Variants in PLEKHA4 observed in about 807,000 individuals in gnomAD.
PLEKHA4 encodes pleckstrin homology domain containing A4, also known as pleckstrin homology domain-containing family A member 4.
A neutral mutation model predicts 94.7 loss-of-function variants in PLEKHA4; 73 were observed. That is an observed-to-expected ratio of 0.77 (90% CI 0.64 to 0.94). The LOEUF is 0.94. Among genes scored for constraint, PLEKHA4 ranks in the 40% least tolerant of loss-of-function variants. PLEKHA4 has a pLI of 0.00. For missense variants in PLEKHA4, 1,049 were observed against 1,054.1 expected, an observed-to-expected ratio of 1.00 and a Z score of 0.07; for synonymous variants, 449 against 437.1, an observed-to-expected ratio of 1.03 and a Z score of -0.34.
rs2035611198 is a variant in PLEKHA4, at chr19:48,838,132, A to G, written c.1965-3T>C. 1 of 1,580,658 alleles carries G rather than the reference A, an allele frequency of 6.3e-7. No individual in the cohort carries two copies. The highest frequency in any genetic ancestry group is 8.7e-7 in the Non-Finnish European group (1 of 1,151,862). On this transcript the variant is annotated splice_polypyrimidine_tract_variant and splice_region_variant and intron_variant, in intron 18 of 19. Transcript: ENST00000263265. Reference sequence around the variant, plus strand: ...AGTAAGGGGTGGTGTTCCTTGGACTAGAAAAAAAAAGAAGATTGGGGGTGG... The same window carrying G: ...AGTAAGGGGTGGTGTTCCTTGGACTGGAAAAAAAAAGAAGATTGGGGGTGG...
intron 16 of PLEKHA4, 167 bp downstream of exon 16, chr19:48,845,203 A>G: frequency 1.5e-6 from 1 of 661,006 alleles, no homozygotes; most frequent in South Asian, 2.0e-5. Flanking sequence ...CCAAAGTCAC[A>G]CAGCTTAGAA....
At chr19:48,855,465 G>A (rs1338554788) in intron 9 of PLEKHA4, among the ~76,000 whole-genome samples, 5 of 151,826 alleles carry the variant, frequency 3.3e-5, no homozygotes, top group East Asian at 1.9e-4. Flanking sequence ...TTAGCCAGGC[G>A]TAGTGACGGG....
At chr19:48,865,906 CG>C (rs1388858173) in intron 2 of PLEKHA4, among the ~76,000 whole-genome samples, 1 of 151,298 alleles carries the variant, frequency 6.6e-6, no homozygotes, top group Non-Finnish European at 1.5e-5. Context: ...CCCAGCTACT[CG>C]GGAGGCTGAG....
chr19:48,837,194 G>T lies in PLEKHA4; in HGVS notation c.*95C>A. ...CCTCCCGGGCCCGCAATGGGGACCA[G>T]ACCACGCCCCCTGATGCCCTGAGTG... On this transcript the variant is annotated 3_prime_UTR_variant, in exon 20 of 20. Coordinates refer to ENST00000263265, the MANE Select transcript of PLEKHA4 (RefSeq NM_020904.3). This position sits in a 1 kb window ranked among gnomAD's most constrained non-coding sequence, Gnocchi z 4.3. 6.3e-7 allele frequency: 1 copy of T among 1,583,892 alleles called. No homozygotes were observed. The highest frequency in any genetic ancestry group is 1.1e-5 in the South Asian group (1 of 90,026).
At chr19:48,847,627 G>A (rs954402940) in intron 14 of PLEKHA4, among the ~76,000 whole-genome samples, 2 of 152,164 alleles carry the variant, frequency 1.3e-5, no homozygotes, top group Admixed American at 6.6e-5. Context: ...AGCTACTTCG[G>A]AGGCTGAGGC....
At chr19:48,847,859 G>A in intron 14 of PLEKHA4, 41 bp downstream of exon 14, 1 of 1,523,816 alleles carries the variant, frequency 6.6e-7, no homozygotes, top group East Asian at 2.3e-5. Context: ...GGACAGGTGG[G>A]ACATGAAGCT....
chr19:48,860,464 G>T lies in PLEKHA4; in HGVS notation c.367-5C>A. The T allele has an allele frequency of 1.2e-6, 2 of 1,610,530 alleles. No individual in the cohort carries two copies. Among genetic ancestry groups the T allele is most frequent in the Non-Finnish European group, 1.7e-6 (2 of 1,176,902 alleles). On this transcript the variant is annotated splice_region_variant and splice_polypyrimidine_tract_variant and intron_variant, in intron 5 of 19. Coordinates refer to ENST00000263265, the MANE Select transcript of PLEKHA4 (RefSeq NM_020904.3). ...CCTCATGCCCGGGTGCTCTGCCTGC[G>T]GGAAGAGAAGGCTTGGAATCCGGAC... is the stretch of plus-strand genomic sequence containing the variant.
In PLEKHA4 at chr19:48,865,728, G is replaced by C. The variant is rs1188621465; in HGVS notation, c.85-118C>G. The C allele has an allele frequency of 4.6e-6, 3 of 651,574 alleles. No individual in the cohort carries two copies. The East Asian group carries it at 8.3e-5, about 18-fold the overall frequency. 40.4% of individuals were successfully genotyped at this position (651,574 alleles called of 1,614,324 possible). A position where few individuals can be genotyped will look rare whatever the true frequency, so the allele number is the denominator to read the frequency against. On this transcript the variant is annotated intron_variant, in intron 2 of 19. Coordinates refer to ENST00000263265, the MANE Select transcript of PLEKHA4 (RefSeq NM_020904.3). ...TTGGCTGCCCTGAGAAATGGGTCAA[G>C]GACCAGCCGGGCGCAGTGGCTCACA...
chr19:48,847,775 T>G (rs2122976616), intron 14 of PLEKHA4, 125 bp downstream of exon 14: 1 of 1,150,398 alleles, frequency 8.7e-7, no homozygotes, highest in Non-Finnish European at 1.2e-6. Flanking sequence ...TTCCAGAGGT[T>G]AGGACACTTG....
At position 48,860,417 on chromosome 19, in the gene PLEKHA4, T is replaced by C. The variant is rs199897167; in HGVS notation, c.409A>G (p.Thr137Ala). The change falls in exon 6 of 20, where the codon ACC (threonine) becomes GCC (alanine). Residue 137 changes from threonine to alanine, a missense_variant. Thr to Ala is a moderately conservative substitution (Grantham distance 58, BLOSUM62 0). Coordinates refer to ENST00000263265, the MANE Select transcript of PLEKHA4 (RefSeq NM_020904.3). ...GMRTYVLAAD[T>A]LEDLRGWLRA... The stretch of plus-strand genomic sequence containing the variant: ...AGCCAGCCCCGCAGGTCTTCTAAGG[T>C]GTCAGCGGCCAAAACGTAGGTCCTC... 1.9e-4 allele frequency: 311 copies of C among 1,614,082 alleles called. 2 individuals carry two copies. In the East Asian group the frequency reaches 6.0e-3, roughly 31 times the overall value.
chr19:48,839,086 C>G, intron 18 of PLEKHA4, 119 bp downstream of exon 18: 1 of 568,820 alleles, frequency 1.8e-6, no homozygotes, highest in Non-Finnish European at 2.9e-6. Context: ...ACTTAAGCAT[C>G]TCTAGAAGGG....
intron 9 of PLEKHA4, among the ~76,000 whole-genome samples, chr19:48,855,693 GTGGGAGTAT>G (rs1197775749): frequency 1.3e-5 from 2 of 152,014 alleles, no homozygotes; most frequent in African/African-American, 4.8e-5. Flanking sequence ...GGAGGCTGAG[GTGGGAGTAT>G]CGCTTGGGCC....
chr19:48,843,718 C>T (rs762989111), intron 16 of PLEKHA4, among the ~76,000 whole-genome samples: 16 of 151,244 alleles, frequency 1.1e-4, no homozygotes, highest in African/African-American at 2.2e-4. Flanking sequence ...AGTGCAGTGG[C>T]GCAGTATCAG....
chr19:48,837,947 GACCTGGGAT>G lies in PLEKHA4; in HGVS notation c.2077+61_2077+69del. 1 of 1,304,472 alleles carries G rather than the reference GACCTGGGAT, an allele frequency of 7.7e-7. No homozygotes were observed. Among genetic ancestry groups the G allele is most frequent in the Non-Finnish European group, 1.1e-6 (1 of 911,404 alleles). The allele number at this position is 1,304,472 out of a possible 1,614,324, so 80.8% of individuals were successfully genotyped here. Reference sequence around the variant, plus strand: ...CGGCCCCCAGACCCCTCCTCTCCAGGACCTGGGATTCCAGGTCTCCAGCTCTCTCCTCCC... The same window carrying G: ...CGGCCCCCAGACCCCTCCTCTCCAGGTCCAGGTCTCCAGCTCTCTCCTCCC... On this transcript the variant is annotated intron_variant, in intron 19 of 19. Coordinates refer to ENST00000263265, the MANE Select transcript of PLEKHA4 (RefSeq NM_020904.3). This position sits in a 1 kb window ranked among gnomAD's most constrained non-coding sequence, Gnocchi z 4.3.
intron 5 of PLEKHA4, 85 bp from the exon 6 acceptor site, chr19:48,860,544 C>G (rs2036595804): frequency 9.4e-7 from 1 of 1,062,322 alleles, no homozygotes; most frequent in Non-Finnish European, 1.4e-6. Flanking sequence ...TTCCAGTAAA[C>G]CCAGTGCTTT....
rs758659219 is a variant in PLEKHA4 at position 48,861,604 on chromosome 19, C to T, written c.265+16G>A. The stretch of plus-strand genomic sequence containing the variant: ...GGGGGGCCCTCCCACCCCAAGCCAG[C>T]CAGCCAGCCACTGACCCTTGTAATA... On this transcript the variant is annotated intron_variant, in intron 4 of 19. Coordinates refer to ENST00000263265, the MANE Select transcript of PLEKHA4 (RefSeq NM_020904.3). 2 of 1,613,848 alleles carry T rather than the reference C, an allele frequency of 1.2e-6. No homozygotes were observed. Among genetic ancestry groups the T allele is most frequent in the East Asian group, 2.2e-5 (1 of 44,884 alleles).
chr19:48,852,364 C>G (rs749282188), intron 12 of PLEKHA4, 38 bp from the exon 13 acceptor site: 3 of 1,492,402 alleles, frequency 2.0e-6, no homozygotes, highest in Non-Finnish European at 2.8e-6. Context: ...GGTTAGGTCC[C>G]TCTCCCACCA....
chr19:48,860,706 C>A (rs1199716434), intron 5 of PLEKHA4, among the ~76,000 whole-genome samples: 2 of 151,764 alleles, frequency 1.3e-5, no homozygotes, highest in African/African-American at 4.8e-5. Context: ...ACCGGGGAGA[C>A]TGAGGCAGGA....
At chr19:48,838,837 T>C (rs1283252606) in intron 18 of PLEKHA4, among the ~76,000 whole-genome samples, 1 of 149,478 alleles carries the variant, frequency 6.7e-6, no homozygotes, top group Non-Finnish European at 1.5e-5. Context: ...GGGACCCGGG[T>C]ACCGCACGTG....
Sources: allele counts gnomAD v4.1 joint callset (sites outside exome capture counted in the v4.1 genomes callset), GRCh38; gene constraint gnomAD v4.1.1; non-coding constraint Gnocchi (gnomAD v3.1); transcripts MANE v1.5; gene names NCBI Gene and HGNC (gene_info 2026-07-23, HGNC 2026-07-21).